Variants in DLG2 observed in about 807,000 individuals in gnomAD.
The protein encoded by DLG2 is discs large MAGUK scaffold protein 2, also known as disks large homolog 2.
Under a neutral mutation model 132.5 loss-of-function variants are expected in DLG2, and 45 were observed. The observed-to-expected ratio is 0.34, with a 90% CI of 0.27 to 0.44. The LOEUF (loss-of-function observed/expected upper bound fraction) is 0.44. Among genes scored for constraint, DLG2 ranks in the 20% least tolerant of loss-of-function variants. The pLI is 1.00. For missense variants in DLG2, 1,045 were observed against 1,196.9 expected, an observed-to-expected ratio of 0.87 and a Z score of 1.87; for synonymous variants, 424 against 419.6, an observed-to-expected ratio of 1.01 and a Z score of -0.13.
chr11:84,172,637 A>C lies in DLG2; in HGVS notation c.574-9126T>G, dbSNP rs191140315. ...GGCTCACTGCAACCTCCACCTCCCG[A>C]GTTCAACCAATTCTCCTGCCTCAGC... On this transcript the variant is annotated intron_variant, in intron 8 of 27. Coordinates refer to ENST00000376104, the MANE Select transcript of DLG2 (RefSeq NM_001142699.3). Among the ~76,000 whole-genome samples the C allele has an allele frequency of 3.0e-3, 461 of 151,648 alleles. 2 individuals are homozygous for C. The highest frequency in any genetic ancestry group is 0.011 in the African/African-American group (443 of 41,316).
chr11:84,827,714 AC>A (rs1227894207), intron 6 of DLG2, among the ~76,000 whole-genome samples: 3 of 147,842 alleles, frequency 2.0e-5, no homozygotes, highest in Non-Finnish European at 4.5e-5. Flanking sequence ...GGTCAGAAAT[AC>A]AAACTTAGAG....
chr11:83,627,772 C>G (rs1303672734), intron 19 of DLG2, among the ~76,000 whole-genome samples: 1 of 152,136 alleles, frequency 6.6e-6, no homozygotes, highest in African/African-American at 2.4e-5. Context: ...AGTTCTAGAT[C>G]CCTGAGGAAT....
chr11:83,757,537 A>G (rs1399159896), intron 18 of DLG2, among the ~76,000 whole-genome samples: 1 of 152,186 alleles, frequency 6.6e-6, no homozygotes, highest in Non-Finnish European at 1.5e-5. Context: ...TTGTAAAGCA[A>G]ACTGTCTTTA....
At chr11:85,213,097 A>G (rs1043653679) in intron 4 of DLG2, among the ~76,000 whole-genome samples, 1 of 152,210 alleles carries the variant, frequency 6.6e-6, no homozygotes, top group Admixed American at 6.5e-5. Context: ...AAAAAAAACC[A>G]TATAGATAAA....
Position 85,146,227 on chromosome 11 carries a change from C to CCTCTCCCTCTCTCTCT in DLG2, c.282+8328_282+8329insAGAGAGAGAGGGAGAG. On this transcript the variant is annotated intron_variant, in intron 5 of 27. Coordinates refer to ENST00000376104, the MANE Select transcript of DLG2 (RefSeq NM_001142699.3). ...AAGTCTGTCTGTATGTCTGTTTCTCCCTCTCTCTCTCTCTCTCTCTCTCTC... is the reference window on the plus strand; with the variant it reads ...AAGTCTGTCTGTATGTCTGTTTCTCCCTCTCCCTCTCTCTCTCTCTCTCTCTCTCTCTCTCTCTCTC... 1.5e-5 allele frequency among the ~76,000 whole-genome samples: 2 copies of CCTCTCCCTCTCTCTCT among 129,204 alleles called. 1 individual carries two copies. Among genetic ancestry groups the CCTCTCCCTCTCTCTCT allele is most frequent in the Middle Eastern group, 7.9e-3 (2 of 252 alleles). The allele number at this position is 129,204 out of a possible 152,430, so 84.8% of individuals were successfully genotyped here. A position where few individuals can be genotyped will look rare whatever the true frequency, so the allele number is the denominator to read the frequency against.
At chr11:85,174,186 C>A (rs556266564) in intron 4 of DLG2, among the ~76,000 whole-genome samples, 1 of 152,220 alleles carries the variant, frequency 6.6e-6, no homozygotes, top group South Asian at 2.1e-4. Context: ...CATAACCACA[C>A]GGCAGTTACT....
intron 6 of DLG2, among the ~76,000 whole-genome samples, chr11:85,019,242 T>A (rs1762838855): frequency 6.6e-6 from 1 of 151,990 alleles, no homozygotes. Context: ...AAAGCAAAAA[T>A]TACAGGGTAA....
chr11:83,578,975 T>C, intron 19 of DLG2, among the ~76,000 whole-genome samples: 1 of 152,240 alleles, frequency 6.6e-6, no homozygotes, highest in Non-Finnish European at 1.5e-5. Context: ...GAATATTTGC[T>C]TCCCCACTGT....
At chr11:83,727,648 A>G (rs766504337) in intron 18 of DLG2, among the ~76,000 whole-genome samples, 7 of 152,186 alleles carry the variant, frequency 4.6e-5, no homozygotes, top group Admixed American at 2.6e-4. Flanking sequence ...TCCAATTTTA[A>G]TATAGTCCAT....
chr11:84,724,608 A>G (rs1189492501), intron 6 of DLG2, among the ~76,000 whole-genome samples: 1 of 152,206 alleles, frequency 6.6e-6, no homozygotes. Context: ...TGGTCTAAGT[A>G]CTTTAACTAC....
intron 11 of DLG2, among the ~76,000 whole-genome samples, chr11:84,009,247 C>T (rs1335806490): frequency 1.3e-5 from 2 of 151,390 alleles, no homozygotes; most frequent in Non-Finnish European, 2.9e-5. Flanking sequence ...GATATAAATC[C>T]CTCTCACATT....
intron 7 of DLG2, among the ~76,000 whole-genome samples, chr11:84,340,247 C>G (rs1567338134): frequency 6.6e-6 from 1 of 152,316 alleles, no homozygotes; most frequent in East Asian, 1.9e-4. Context: ...TTGCCTTAAT[C>G]TCTGAGTTCT....
intron 7 of DLG2, among the ~76,000 whole-genome samples, chr11:84,383,828 T>C (rs1470353550): frequency 6.6e-6 from 1 of 152,094 alleles, no homozygotes; most frequent in African/African-American, 2.4e-5. Context: ...TATGCTGTGC[T>C]TGGGCTTGAC....
intron 13 of DLG2, among the ~76,000 whole-genome samples, chr11:83,964,500 C>T (rs2089721721): frequency 6.6e-6 from 1 of 151,908 alleles, no homozygotes; most frequent in Non-Finnish European, 1.5e-5. Flanking sequence ...AATTAATGGC[C>T]AGTTCTGAAG....
intron 8 of DLG2, among the ~76,000 whole-genome samples, chr11:84,185,928 T>C (rs35046352): frequency 0.065 from 9,858 of 152,202 alleles, 394 homozygotes; most frequent in African/African-American, 0.1. Context: ...AAGGATTGTT[T>C]TTCTGGATCC....
At chr11:83,836,215 G>T (rs1032531663) in intron 16 of DLG2, among the ~76,000 whole-genome samples, 1 of 152,012 alleles carries the variant, frequency 6.6e-6, no homozygotes, top group Non-Finnish European at 1.5e-5. Flanking sequence ...ACACCCCTTG[G>T]GGAAAACAAT....
chr11:85,601,433 T>C (rs989316214), intron 2 of DLG2, among the ~76,000 whole-genome samples: 1 of 151,958 alleles, frequency 6.6e-6, no homozygotes, highest in African/African-American at 2.4e-5. Context: ...CTCCGCCTTC[T>C]GGGTTCAAGC....
intron 21 of DLG2, among the ~76,000 whole-genome samples, chr11:83,523,413 G>C (rs1362830588): frequency 6.6e-6 from 1 of 152,060 alleles, no homozygotes; most frequent in East Asian, 1.9e-4. Context: ...AATTAGCTAT[G>C]CTACTAACAT....
At chr11:83,944,006 A>G (rs943549783) in intron 14 of DLG2, among the ~76,000 whole-genome samples, 19 of 152,246 alleles carry the variant, frequency 1.2e-4, no homozygotes, top group African/African-American at 4.6e-4. Flanking sequence ...CATATGGTAC[A>G]TACTCAGGAA....
Sources: gnomAD v4.1 joint callset for allele counts (sites outside exome capture counted in the v4.1 genomes callset) on GRCh38, gnomAD v4.1.1 for gene constraint, MANE v1.5 for transcripts, NCBI Gene and HGNC (gene_info 2026-07-23, HGNC 2026-07-21) for gene names.